The following APBB1IP variants were observed in gnomAD, a reference collection of about 807,000 sequenced individuals.
APBB1IP encodes amyloid beta precursor protein binding family B member 1 interacting protein, also known as amyloid beta A4 precursor protein-binding family B member 1-interacting protein.
Under a neutral mutation model 64.9 loss-of-function variants are expected in APBB1IP, and 27 were observed. The ratio of observed to expected loss-of-function variants is 0.42; its 90% CI spans 0.31 to 0.57. The LOEUF is 0.57. Among genes scored for constraint, APBB1IP ranks in the 20% least tolerant of loss-of-function variants. The pLI is 0.20. For synonymous variants in APBB1IP, 392 were observed against 331.0 expected (o/e 1.18, Z -2.00); for missense variants, 812 against 845.5 (o/e 0.96, Z 0.49).
chr10:26,531,538 G>A (rs897600030), intron 8 of APBB1IP, among the ~76,000 whole-genome samples: 1 of 151,652 alleles, frequency 6.6e-6, no homozygotes, highest in Non-Finnish European at 1.5e-5. Context: ...GCGATGGCGG[G>A]CGCCTGTAGT....
At chr10:26,510,162 G>A (rs541745031) in intron 6 of APBB1IP, among the ~76,000 whole-genome samples, 1 of 152,198 alleles carries the variant, frequency 6.6e-6, no homozygotes, top group South Asian at 2.1e-4. Flanking sequence ...TAGAGACGGG[G>A]TTTCATCATG....
rs773448230 is a variant in APBB1IP at position 26,567,197 on chromosome 10, G to A, written c.1710G>A (p.Pro570=). The change falls in exon 15 of 15, where the codon CCG becomes CCA. Residue 570 remains proline (P), a synonymous_variant. Transcript: ENST00000376236. The stretch of plus-strand genomic sequence containing the variant: ...CCCTCGATGACCCTGAGCTCCCGCC[G>A]CCGCCCCCGGACTTCATGGAGCCGC... ...PPPLDDPELP[P]PPPDFMEPPP... 151 of 1,385,786 alleles carry A rather than the reference G, an allele frequency of 1.1e-4. No homozygotes were observed. The highest frequency in any genetic ancestry group is 8.8e-4 in the African/African-American group (55 of 62,690). The allele number at this position is 1,385,786 out of a possible 1,614,324, so 85.8% of individuals were successfully genotyped here. A position where few individuals can be genotyped will look rare whatever the true frequency, so the allele number is the denominator to read the frequency against.
At chr10:26,508,413 AC>A (rs1836211337) in intron 6 of APBB1IP, among the ~76,000 whole-genome samples, 4 of 151,872 alleles carry the variant, frequency 2.6e-5, no homozygotes, top group East Asian at 1.9e-4. Flanking sequence ...AACAAAAAAA[AC>A]CCCCCACAAA....
intron 2 of APBB1IP, among the ~76,000 whole-genome samples, chr10:26,451,333 C>A (rs1278857931): frequency 6.6e-6 from 1 of 152,140 alleles, no homozygotes; most frequent in African/African-American, 2.4e-5. Flanking sequence ...GGGTAATCCT[C>A]TCGCCTCAGC....
intron 11 of APBB1IP, among the ~76,000 whole-genome samples, chr10:26,544,928 G>A (rs969446918): frequency 1.3e-5 from 2 of 152,202 alleles, no homozygotes; most frequent in Non-Finnish European, 2.9e-5. Context: ...GAGAGAGGGG[G>A]CTCAGAGGTG....
chr10:26,561,104 T>G (rs967860740), intron 13 of APBB1IP, among the ~76,000 whole-genome samples: 7 of 123,166 alleles, frequency 5.7e-5, no homozygotes, highest in Non-Finnish European at 9.6e-5. Context: ...TCTCTCGCAC[T>G]GTTGCCCAGG....
intron 11 of APBB1IP, among the ~76,000 whole-genome samples, chr10:26,542,289 TGG>T (rs1394482356): frequency 6.6e-6 from 1 of 152,112 alleles, no homozygotes; most frequent in Non-Finnish European, 1.5e-5. Context: ...CTCAAGTATC[TGG>T]GACTAGAGGT....
At chr10:26,439,537 TA>T (rs1291549113) in intron 2 of APBB1IP, among the ~76,000 whole-genome samples, 2 of 152,176 alleles carry the variant, frequency 1.3e-5, no homozygotes, top group African/African-American at 4.8e-5. Flanking sequence ...TAGGGTGTCC[TA>T]ATGTCTCCAA....
At chr10:26,536,620 C>G (rs1299226194) in intron 10 of APBB1IP, among the ~76,000 whole-genome samples, 3 of 139,990 alleles carry the variant, frequency 2.1e-5, no homozygotes, top group Admixed American at 1.5e-4. Flanking sequence ...TTGAGATAGT[C>G]TCACTCTAAT....
chr10:26,478,622 A>G (rs1321580608), intron 2 of APBB1IP, among the ~76,000 whole-genome samples: 1 of 151,890 alleles, frequency 6.6e-6, no homozygotes, highest in Non-Finnish European at 1.5e-5. Flanking sequence ...CTCAAAAAAA[A>G]AAAAAAAGGA....
In APBB1IP at chr10:26,532,106, T is replaced by C. The variant is rs190337427; in HGVS notation, c.814-1333T>C. Among the ~76,000 whole-genome samples the C allele has an allele frequency of 2.0e-4, 31 of 152,364 alleles. No individual in the cohort carries two copies. In the East Asian group the frequency reaches 5.8e-3, roughly 28 times the overall value. Reference sequence around the variant, plus strand: ...TTTCAAGGTGGTCTGAGGATTATACTTGGAGAAACACTCCTATGGTGTAAA... The same window carrying C: ...TTTCAAGGTGGTCTGAGGATTATACCTGGAGAAACACTCCTATGGTGTAAA... On this transcript the variant is annotated intron_variant, in intron 8 of 14. Coordinates refer to ENST00000376236, the MANE Select transcript of APBB1IP (RefSeq NM_019043.4).
At chr10:26,552,274 G>A (rs746204246) in intron 11 of APBB1IP, among the ~76,000 whole-genome samples, 7 of 152,106 alleles carry the variant, frequency 4.6e-5, no homozygotes, top group Non-Finnish European at 1.0e-4. Flanking sequence ...ACTCCAGCCG[G>A]GGCAACAGAG....
intron 2 of APBB1IP, among the ~76,000 whole-genome samples, chr10:26,478,505 C>T (rs1057020539): frequency 1.3e-5 from 2 of 151,780 alleles, no homozygotes; most frequent in African/African-American, 4.8e-5. Context: ...AATCCAGCTA[C>T]TCAGCAGTCT....
chr10:26,545,783 A>AAAC lies in APBB1IP; in HGVS notation c.1155+4093_1155+4094insCAA, dbSNP rs1222265037. On this transcript the variant is annotated intron_variant, in intron 11 of 14. Transcript: ENST00000376236. ...TCAAAAAAAAAACAAACAAACAAAC[A>AAAC]AAAAAAAACCACAAAAATTAGCTGG... Among the ~76,000 whole-genome samples, 20 of 50,400 alleles carry AAAC rather than the reference A, an allele frequency of 4.0e-4. 1 individual carries two copies. In the Middle Eastern group the frequency reaches 0.038, roughly 97 times the overall value. 33.1% of individuals were successfully genotyped at this position (50,400 alleles called of 152,430 possible).
At chr10:26,492,551 A>G (rs1353059498) in intron 3 of APBB1IP, among the ~76,000 whole-genome samples, 153 bp downstream of exon 3, 2 of 152,150 alleles carry the variant, frequency 1.3e-5, no homozygotes, top group African/African-American at 4.8e-5. Context: ...TATTTTCCCT[A>G]AGTGACGGCG....
chr10:26,542,139 G>T (rs1588612524), intron 11 of APBB1IP, among the ~76,000 whole-genome samples: 1 of 152,130 alleles, frequency 6.6e-6, no homozygotes, highest in Non-Finnish European at 1.5e-5. Flanking sequence ...AAGGCAATAG[G>T]TATTATCAAA....
intron 11 of APBB1IP, among the ~76,000 whole-genome samples, chr10:26,559,234 A>T (rs1300249510): frequency 3.3e-5 from 5 of 152,200 alleles, no homozygotes; most frequent in African/African-American, 1.2e-4. Context: ...AAAGTTAAAA[A>T]GGCATAAATG....
chr10:26,477,732 C>T (rs956734429), intron 2 of APBB1IP, among the ~76,000 whole-genome samples: 2 of 152,028 alleles, frequency 1.3e-5, no homozygotes, highest in African/African-American at 4.8e-5. Flanking sequence ...GTGAATATAC[C>T]ATGTTTCTAA....
At chr10:26,497,593 A>G (rs1351987571) in intron 4 of APBB1IP, among the ~76,000 whole-genome samples, 2 of 152,072 alleles carry the variant, frequency 1.3e-5, no homozygotes, top group African/African-American at 4.8e-5. Flanking sequence ...AATTAGTGAG[A>G]ACTCCCTGCA....
Sources: allele counts gnomAD v4.1 joint callset (sites outside exome capture counted in the v4.1 genomes callset), GRCh38; gene constraint gnomAD v4.1.1; transcripts MANE v1.5; gene names NCBI Gene and HGNC (gene_info 2026-07-23, HGNC 2026-07-21).